The following ADAMTS6 variants were observed in gnomAD, a reference collection of about 807,000 sequenced individuals.
The protein encoded by ADAMTS6 is A disintegrin and metalloproteinase with thrombospondin motifs 6.
In ADAMTS6, 23 loss-of-function variants were observed where a neutral mutation model predicts 144.3. The observed-to-expected ratio is 0.16, with a 90% CI of 0.11 to 0.23. The LOEUF is 0.23. Ranked by LOEUF, ADAMTS6 falls within the 10% of genes least tolerant of loss-of-function variation. ADAMTS6 has a pLI of 1.00. For missense variants in ADAMTS6, 999 were observed against 1,379.6 expected (o/e 0.72, Z 4.37); for synonymous variants, 444 against 457.5 (o/e 0.97, Z 0.38).
chr5:65,176,983 C>A (rs911707306), intron 22 of ADAMTS6, among the ~76,000 whole-genome samples: 2 of 152,226 alleles, frequency 1.3e-5, no homozygotes, highest in African/African-American at 4.8e-5. Context: ...TTATCTTCCA[C>A]TTTCCTTTCC....
At position 65,454,736 on chromosome 5, in the gene ADAMTS6, C is replaced by T. The variant is rs569509979; in HGVS notation, c.632-1818G>A. Among the ~76,000 whole-genome samples, 21 of 152,250 alleles carry T rather than the reference C, an allele frequency of 1.4e-4. No homozygotes were observed. The South Asian group carries it at 3.5e-3, about 26-fold the overall frequency. On this transcript the variant is annotated intron_variant, in intron 4 of 24. Coordinates refer to ENST00000381055, the MANE Select transcript of ADAMTS6 (RefSeq NM_197941.4). ...GCAATCAATCATGCTGGTGAACTGA[C>T]GCTGGCATCTGAAGACAATCATCCA...
At chr5:65,298,815 G>C (rs1580331446) in intron 10 of ADAMTS6, among the ~76,000 whole-genome samples, 1 of 152,014 alleles carries the variant, frequency 6.6e-6, no homozygotes, top group South Asian at 2.1e-4. Context: ...CATTGTGCTA[G>C]GTAATTTAAA....
At chr5:65,202,737 C>G (rs760317235) in intron 20 of ADAMTS6, among the ~76,000 whole-genome samples, 2 of 152,160 alleles carry the variant, frequency 1.3e-5, no homozygotes, top group Non-Finnish European at 2.9e-5. Flanking sequence ...TAGCCAAACT[C>G]TTTTCATAGC....
At chr5:65,371,570 A>G (rs552843185) in intron 7 of ADAMTS6, among the ~76,000 whole-genome samples, 1,814 of 152,238 alleles carry the variant, frequency 0.012, 34 homozygotes, top group African/African-American at 0.041. Flanking sequence ...AAGTTTAGAG[A>G]AAAAAGAATA....
At chr5:65,335,642 G>A (rs955185117) in intron 7 of ADAMTS6, among the ~76,000 whole-genome samples, 1 of 152,038 alleles carries the variant, frequency 6.6e-6, no homozygotes, top group African/African-American at 2.4e-5. Flanking sequence ...CCCAGGTATA[G>A]TGCCATATAC....
chr5:65,259,557 A>G (rs950653087), intron 14 of ADAMTS6, among the ~76,000 whole-genome samples: 2 of 152,214 alleles, frequency 1.3e-5, no homozygotes, highest in Non-Finnish European at 2.9e-5. Flanking sequence ...CAGCATGGAA[A>G]TCACCTGTGA....
At chr5:65,168,119 G>A (rs1160418120) in intron 24 of ADAMTS6, among the ~76,000 whole-genome samples, 4 of 151,246 alleles carry the variant, frequency 2.6e-5, no homozygotes, top group African/African-American at 9.7e-5. Context: ...CGACATGATT[G>A]TTTATCTAGA....
intron 1 of ADAMTS6, among the ~76,000 whole-genome samples, chr5:65,476,002 C>T (rs994655841): frequency 5.3e-5 from 8 of 152,148 alleles, no homozygotes; most frequent in Admixed American, 3.9e-4. Flanking sequence ...TAGAATACCT[C>T]AACACTGAGG....
At chr5:65,253,886 G>A (rs892698973) in intron 14 of ADAMTS6, among the ~76,000 whole-genome samples, 3 of 126,974 alleles carry the variant, frequency 2.4e-5, no homozygotes, top group Non-Finnish European at 3.1e-5. Flanking sequence ...GGGGTGCAGT[G>A]ATGCGATCTC....
chr5:65,407,600 G>A (rs982091826), intron 7 of ADAMTS6, among the ~76,000 whole-genome samples: 1 of 148,304 alleles, frequency 6.7e-6, no homozygotes, highest in African/African-American at 2.5e-5. Flanking sequence ...TTGGTTTTTT[G>A]TCCTTGCAAT....
intron 7 of ADAMTS6, among the ~76,000 whole-genome samples, chr5:65,374,243 T>G (rs1751282140): frequency 1.3e-5 from 2 of 152,072 alleles, no homozygotes; most frequent in Non-Finnish European, 1.5e-5. Context: ...AACATAGTGT[T>G]GGAAGTTCTG....
At chr5:65,246,742 T>C (rs771833563) in intron 14 of ADAMTS6, among the ~76,000 whole-genome samples, 6 of 152,160 alleles carry the variant, frequency 3.9e-5, no homozygotes, top group Non-Finnish European at 8.8e-5. Flanking sequence ...GGAATTGAAG[T>C]AGACTTGGGG....
intron 10 of ADAMTS6, among the ~76,000 whole-genome samples, chr5:65,292,238 T>G (rs139870464): frequency 1.3e-5 from 2 of 152,296 alleles, no homozygotes; most frequent in Admixed American, 1.3e-4. Context: ...ATATAATTGT[T>G]CATTTTTATT....
chr5:65,314,816 C>T (rs941404054), intron 9 of ADAMTS6, among the ~76,000 whole-genome samples: 3 of 152,022 alleles, frequency 2.0e-5, no homozygotes, highest in African/African-American at 7.2e-5. Context: ...ATCGGCAGAC[C>T]TGCACTGCAA....
chr5:65,263,131 G>A (rs572009986), intron 12 of ADAMTS6, among the ~76,000 whole-genome samples, 169 bp from the exon 13 acceptor site: 1 of 152,268 alleles, frequency 6.6e-6, no homozygotes, highest in Non-Finnish European at 1.5e-5. Context: ...ATGTGCATGT[G>A]ACTTGCGAAT....
chr5:65,460,060 G>A, intron 4 of ADAMTS6, 110 bp downstream of exon 4: 2 of 1,199,676 alleles, frequency 1.7e-6, no homozygotes, highest in East Asian at 5.1e-5. Flanking sequence ...CATTATAATT[G>A]TAGTCAAACT....
intron 7 of ADAMTS6, among the ~76,000 whole-genome samples, chr5:65,364,564 CTTTTT>C (rs1245835544): frequency 8.5e-6 from 1 of 117,858 alleles, no homozygotes; most frequent in Non-Finnish European, 1.8e-5. Flanking sequence ...GAATTTCTTT[CTTTTT>C]TTTTTTTTTT....
chr5:65,277,153 T>C (rs1397590635), intron 11 of ADAMTS6, among the ~76,000 whole-genome samples: 3 of 152,182 alleles, frequency 2.0e-5, no homozygotes, highest in African/African-American at 7.2e-5. Flanking sequence ...GAATCTCTAA[T>C]GTTATGGGGT....
intron 15 of ADAMTS6, among the ~76,000 whole-genome samples, chr5:65,241,057 G>A (rs1267848598): frequency 2.0e-5 from 3 of 151,972 alleles, no homozygotes; most frequent in Non-Finnish European, 2.9e-5. Context: ...CAAAAAGTAC[G>A]ATGGATTAAT....
Sources: gnomAD v4.1 joint callset for allele counts (sites outside exome capture counted in the v4.1 genomes callset) on GRCh38, gnomAD v4.1.1 for gene constraint, MANE v1.5 for transcripts, NCBI Gene and HGNC (gene_info 2026-07-23, HGNC 2026-07-21) for gene names.